The following CFAP77 variants were observed in gnomAD, a reference collection of about 807,000 sequenced individuals.
The protein encoded by CFAP77 is cilia and flagella associated protein 77.
A neutral mutation model predicts 31.1 loss-of-function variants in CFAP77; 25 were observed. That is an observed-to-expected ratio of 0.80 (90% CI 0.59 to 1.12). The LOEUF (loss-of-function observed/expected upper bound fraction) is 1.12, where lower values mean the gene tolerates loss of function less well. Ranked by LOEUF, CFAP77 falls within the 50% of genes most tolerant of loss-of-function variation. The pLI is 0.00. For synonymous variants in CFAP77, 151 were observed against 159.9 expected (o/e 0.94, Z 0.42); for missense variants, 377 against 397.3 (o/e 0.95, Z 0.44).
At chr9:132,427,692 G>C (rs564124267) in intron 1 of CFAP77, among the ~76,000 whole-genome samples, 1 of 152,326 alleles carries the variant, frequency 6.6e-6, no homozygotes, top group South Asian at 2.1e-4. Flanking sequence ...CCTCCTGAGA[G>C]CCGTGAGGGA....
chr9:132,410,789 C>A (rs148512009), intron 1 of CFAP77, among the ~76,000 whole-genome samples: 2 of 152,318 alleles, frequency 1.3e-5, no homozygotes, highest in Non-Finnish European at 2.9e-5. Context: ...TGTGGTTTCC[C>A]ACAGAGTGAA....
At chr9:132,549,653 T>C (rs970754300) in intron 5 of CFAP77, among the ~76,000 whole-genome samples, 5 of 151,940 alleles carry the variant, frequency 3.3e-5, no homozygotes, top group Admixed American at 2.6e-4. Context: ...GCCTGGTCAA[T>C]ATGGTGAAAC....
rs145724734 is a variant in CFAP77 at position 132,468,289 on chromosome 9, C to T, written c.196-30406C>T. Among the ~76,000 whole-genome samples the T allele has an allele frequency of 6.5e-3, 984 of 152,204 alleles. 10 individuals are homozygous for T. The highest frequency in any genetic ancestry group is 0.022 in the African/African-American group (912 of 41,522). ...TGAGCCCAGGAGGCCGAGGCTGCAG[C>T]GAGCCGAGGTTGCGCCACTGCCTCC... On this transcript the variant is annotated intron_variant, in intron 1 of 5. Coordinates refer to ENST00000393216, the MANE Select transcript of CFAP77 (RefSeq NM_001282957.2).
intron 3 of CFAP77, among the ~76,000 whole-genome samples, chr9:132,510,123 C>T (rs909202987): frequency 1.3e-5 from 2 of 152,194 alleles, no homozygotes; most frequent in African/African-American, 4.8e-5. Context: ...GATGGGGCCG[C>T]CACTCCCCCA....
chr9:132,513,497 C>A, intron 3 of CFAP77: 1 of 960,862 alleles, frequency 1.0e-6, no homozygotes, highest in Non-Finnish European at 1.5e-6. Context: ...TGCTTTCCAC[C>A]CAGCGTGCCC....
chr9:132,494,004 C>T lies in CFAP77; in HGVS notation c.196-4691C>T, dbSNP rs112248164. Among the ~76,000 whole-genome samples, 9 of 152,080 alleles carry T rather than the reference C, an allele frequency of 5.9e-5. No individual in the cohort carries two copies. In the South Asian group the frequency reaches 8.3e-4, roughly 14 times the overall value. ...ATGGCTCACTGCAGCCTCCACCTCC[C>T]GGGTTCAAGTGGTTCTCCCACCTCA... On this transcript the variant is annotated intron_variant, in intron 1 of 5. Coordinates refer to ENST00000393216, the MANE Select transcript of CFAP77 (RefSeq NM_001282957.2).
Position 132,552,837 on chromosome 9 carries a change from G to A in CFAP77, c.732+9790G>A, listed in dbSNP as rs1852842625. Among the ~76,000 whole-genome samples, 2 of 152,106 alleles carry A rather than the reference G, an allele frequency of 1.3e-5. No individual in the cohort carries two copies. Among genetic ancestry groups the A allele is most frequent in the Non-Finnish European group, 2.9e-5 (2 of 68,014 alleles). ...GTGTCAACTCCACTCTTACAGTTAC[G>A]TTCAAATATGTGTTTACTGTGGCAG... On this transcript the variant is annotated intron_variant, in intron 5 of 5. Coordinates refer to ENST00000393216, the MANE Select transcript of CFAP77 (RefSeq NM_001282957.2). The surrounding 1 kb of genome is among the most constrained non-coding windows in gnomAD (Gnocchi z 5.5).
chr9:132,551,766 T>A (rs1380050363), intron 5 of CFAP77, among the ~76,000 whole-genome samples: 1 of 152,218 alleles, frequency 6.6e-6, no homozygotes, highest in Admixed American at 6.5e-5. Flanking sequence ...GGACTTGGAC[T>A]CTGGCTGGCT....
At chr9:132,428,612 C>A (rs1390428440) in intron 1 of CFAP77, among the ~76,000 whole-genome samples, 7 of 152,064 alleles carry the variant, frequency 4.6e-5, no homozygotes, top group Non-Finnish European at 5.9e-5. Flanking sequence ...GAGACTCTGT[C>A]TCAAAAAACA....
intron 1 of CFAP77, among the ~76,000 whole-genome samples, chr9:132,447,905 A>G (rs1336524868): frequency 6.6e-6 from 1 of 152,214 alleles, no homozygotes; most frequent in Non-Finnish European, 1.5e-5. Flanking sequence ...AGTCCAGTTT[A>G]CAAGGCAGTG....
intron 5 of CFAP77, among the ~76,000 whole-genome samples, chr9:132,562,006 G>A (rs762640659): frequency 1.3e-5 from 2 of 152,246 alleles, no homozygotes; most frequent in Non-Finnish European, 2.9e-5. Flanking sequence ...CAGGCATGGA[G>A]GTGAATTTAC....
At chr9:132,534,790 A>C (rs770502125) in intron 3 of CFAP77, among the ~76,000 whole-genome samples, 2 of 152,168 alleles carry the variant, frequency 1.3e-5, no homozygotes, top group African/African-American at 4.8e-5. Context: ...AGAATTATGC[A>C]TATATATCCA....
rs1371033082 is a variant in CFAP77 at position 132,539,888 on chromosome 9, G to T, written c.630+2182G>T. Among the ~76,000 whole-genome samples the T allele has an allele frequency of 6.6e-6, 1 of 152,156 alleles. No individual in the cohort carries two copies. Among genetic ancestry groups the T allele is most frequent in the Admixed American group, 6.5e-5 (1 of 15,282 alleles). ...CCAGCACAAACTGCTTTCTAGCCCC[G>T]CATTAGAGCTGGGAGTTTTTTTTGC... is the stretch of plus-strand genomic sequence containing the variant. On this transcript the variant is annotated intron_variant, in intron 4 of 5. Transcript: ENST00000393216. The surrounding 1 kb of genome is among the most constrained non-coding windows in gnomAD (Gnocchi z 4.3).
At chr9:132,422,009 G>T (rs2131680991) in intron 1 of CFAP77, among the ~76,000 whole-genome samples, 1 of 149,822 alleles carries the variant, frequency 6.7e-6, no homozygotes, top group East Asian at 1.9e-4. Context: ...TTAGTCCCAG[G>T]TGGCTTTTTT....
chr9:132,553,554 G>T (rs997009586), intron 5 of CFAP77, among the ~76,000 whole-genome samples: 1 of 152,226 alleles, frequency 6.6e-6, no homozygotes, highest in Non-Finnish European at 1.5e-5. Flanking sequence ...CCACCTCCTT[G>T]TTGTGTTTCT....
chr9:132,543,217 C>T (rs551417708), intron 5 of CFAP77, among the ~76,000 whole-genome samples, 170 bp downstream of exon 5: 5 of 152,358 alleles, frequency 3.3e-5, no homozygotes, highest in East Asian at 1.9e-4. Context: ...TCCCAAGGCC[C>T]GGAGCTGAGC....
intron 1 of CFAP77, among the ~76,000 whole-genome samples, chr9:132,477,446 G>A (rs951957398): frequency 3.9e-5 from 6 of 152,224 alleles, no homozygotes; most frequent in African/African-American, 1.4e-4. Context: ...AAATTCATCA[G>A]TAGAATACAT....
chr9:132,513,331 G>A, intron 3 of CFAP77: 1 of 1,547,398 alleles, frequency 6.5e-7, no homozygotes, highest in South Asian at 1.2e-5. Context: ...CCTGGATTTA[G>A]CACGCTAACC....
rs374057718 is a variant in CFAP77, at chr9:132,554,353, AT to A, written c.732+11317del. Among the ~76,000 whole-genome samples, 3,894 of 147,812 alleles carry A rather than the reference AT, an allele frequency of 0.026. 85 individuals carry two copies. The highest frequency in any genetic ancestry group is 0.062 in the African/African-American group (2,509 of 40,390). On this transcript the variant is annotated intron_variant, in intron 5 of 5. Coordinates refer to ENST00000393216, the MANE Select transcript of CFAP77 (RefSeq NM_001282957.2). The surrounding 1 kb of genome is among the most constrained non-coding windows in gnomAD (Gnocchi z 4.1). ...TGCAACCCTTATTTTTATTTTATTTATTTTTTTTTTTGAGACAGGCTCTCAC... is the reference window on the plus strand; with the variant it reads ...TGCAACCCTTATTTTTATTTTATTTATTTTTTTTTTGAGACAGGCTCTCAC...
Sources: gnomAD v4.1 joint callset for allele counts (sites outside exome capture counted in the v4.1 genomes callset) on GRCh38, gnomAD v4.1.1 for gene constraint, Gnocchi (gnomAD v3.1) non-coding constraint, MANE v1.5 for transcripts, NCBI Gene and HGNC (gene_info 2026-07-23, HGNC 2026-07-21) for gene names.